Variants in MAP2K6 observed in about 807,000 individuals in gnomAD.
MAP2K6 encodes dual specificity mitogen-activated protein kinase kinase 6.
MAP2K6 carries 16 observed loss-of-function variants against 53.7 expected under a neutral mutation model. The observed-to-expected ratio is 0.30, with a 90% CI of 0.20 to 0.45. The LOEUF (loss-of-function observed/expected upper bound fraction) is 0.45. Ranked by LOEUF, MAP2K6 falls within the 20% of genes least tolerant of loss-of-function variation. MAP2K6 has a pLI of 1.00. For missense variants in MAP2K6, 204 were observed against 411.9 expected, an observed-to-expected ratio of 0.50 and a Z score of 4.37; for synonymous variants, 132 against 143.1, an observed-to-expected ratio of 0.92 and a Z score of 0.55.
rs372379022 is a variant in MAP2K6, at chr17:69,512,411, C to G, written c.84-4444C>G. On this transcript the variant is annotated intron_variant, in intron 2 of 11. Transcript: ENST00000590474. Reference sequence around the variant, plus strand: ...CTGGAGTGCAGTGGTATGATCTTGGCTCACCACAACCTCCGCCTCTTGGGT... The same window carrying G: ...CTGGAGTGCAGTGGTATGATCTTGGGTCACCACAACCTCCGCCTCTTGGGT... Among the ~76,000 whole-genome samples, 2 of 132,980 alleles carry G rather than the reference C, an allele frequency of 1.5e-5. 1 individual carries two copies. The highest frequency in any genetic ancestry group is 4.9e-4 in the South Asian group (2 of 4,112). The allele number at this position is 132,980 out of a possible 152,430, so 87.2% of individuals were successfully genotyped here. A position where few individuals can be genotyped will look rare whatever the true frequency, so the allele number is the denominator to read the frequency against.
At chr17:69,496,518 G>A (rs1908959985) in intron 1 of MAP2K6, among the ~76,000 whole-genome samples, 1 of 152,008 alleles carries the variant, frequency 6.6e-6, no homozygotes, top group African/African-American at 2.4e-5. Flanking sequence ...ACAGGCGTGT[G>A]CCCCACGCCC....
intron 1 of MAP2K6, among the ~76,000 whole-genome samples, chr17:69,436,009 C>T (rs114955315): frequency 5.3e-5 from 6 of 112,880 alleles, no homozygotes; most frequent in African/African-American, 2.6e-4. Flanking sequence ...CATTTGGAAT[C>T]GATTTAAAAT....
Position 69,521,049 on chromosome 17 carries a change from A to C in MAP2K6, c.484A>C (p.Ile162Leu), listed in dbSNP as rs761904827. 23 of 1,601,888 alleles carry C rather than the reference A, an allele frequency of 1.4e-5. No individual in the cohort carries two copies. The South Asian group carries it at 2.6e-4, about 18-fold the overall frequency. Reference protein sequence around the residue: ...EDILGKIAVSIVKALEHLHSK... With the variant: ...EDILGKIAVSLVKALEHLHSK... ...AATCTATCTTGTGTTTCTCTTGCAG[A>C]TTGTAAAAGCATTAGAACATTTACA... The change falls in exon 7 of 12, where the codon ATT becomes CTT. Residue 162 changes from isoleucine to leucine, a missense_variant and splice_region_variant. This residue lies in a region of MAP2K6 where 129 missense variants were observed against 247.1 expected (regional missense o/e 0.52). Transcript: ENST00000590474.
At position 69,523,612 on chromosome 17, in the gene MAP2K6, A is replaced by G. The variant is rs146813017; in HGVS notation, c.634A>G (p.Ile212Val). The change falls in exon 8 of 12, where the codon ATT becomes GTT. Residue 212 changes from isoleucine to valine, a missense_variant. Coordinates refer to ENST00000590474, the MANE Select transcript of MAP2K6 (RefSeq NM_002758.4). ...CTTGGTGGACTCTGTTGCTAAAACA[A>G]TTGATGCAGGTTGCAAACCATACAT... Reference protein sequence around the residue: ...GYLVDSVAKTIDAGCKPYMAP... With the variant: ...GYLVDSVAKTVDAGCKPYMAP... 5 of 1,614,012 alleles carry G rather than the reference A, an allele frequency of 3.1e-6. No homozygotes were observed. Among genetic ancestry groups the G allele is most frequent in the African/African-American group, 2.7e-5 (2 of 74,926 alleles).
At chr17:69,495,125 C>T (rs1187396948) in intron 1 of MAP2K6, among the ~76,000 whole-genome samples, 2 of 149,248 alleles carry the variant, frequency 1.3e-5, no homozygotes, top group African/African-American at 4.9e-5. Context: ...ACAACAAATT[C>T]ACCCCTCTTA....
intron 1 of MAP2K6, among the ~76,000 whole-genome samples, chr17:69,456,956 C>T (rs960432690): frequency 8.5e-5 from 13 of 152,320 alleles, no homozygotes; most frequent in African/African-American, 2.6e-4. Flanking sequence ...TTAGCTTGGA[C>T]GCCCTACCTG....
intron 1 of MAP2K6, among the ~76,000 whole-genome samples, chr17:69,493,487 G>A (rs4991021): frequency 0.013 from 2,005 of 152,276 alleles, 99 homozygotes; most frequent in East Asian, 0.12. Flanking sequence ...GCAGCTGGGC[G>A]TGGTGTCTCA....
chr17:69,475,459 C>T (rs1598279930), intron 1 of MAP2K6, among the ~76,000 whole-genome samples: 1 of 152,220 alleles, frequency 6.6e-6, no homozygotes, highest in African/African-American at 2.4e-5. Flanking sequence ...TGAGCCACCG[C>T]GCCCGGCCCT....
chr17:69,430,584 A>T (rs1254563458), intron 1 of MAP2K6, among the ~76,000 whole-genome samples: 1 of 152,180 alleles, frequency 6.6e-6, no homozygotes, highest in East Asian at 1.9e-4. Context: ...GTGTAGAAGG[A>T]CACACAGAAA....
intron 1 of MAP2K6, among the ~76,000 whole-genome samples, chr17:69,416,799 G>A (rs1361988196): frequency 6.6e-6 from 1 of 152,150 alleles, no homozygotes. Context: ...ATCTATTTGG[G>A]GGATAGTCAG....
intron 1 of MAP2K6, among the ~76,000 whole-genome samples, chr17:69,453,364 C>G (rs533714842): frequency 6.6e-6 from 1 of 152,158 alleles, no homozygotes; most frequent in Admixed American, 6.5e-5. Flanking sequence ...TCCAATAAAA[C>G]TTTATTTACC....
At chr17:69,508,058 T>TTA (rs1909614844) in intron 2 of MAP2K6, among the ~76,000 whole-genome samples, 2 of 77,920 alleles carry the variant, frequency 2.6e-5, no homozygotes, top group African/African-American at 1.0e-4. Flanking sequence ...TTTTTTTTTT[T>TTA]TTTTTTTTTT....
chr17:69,533,413 A>G (rs549673148), intron 10 of MAP2K6, among the ~76,000 whole-genome samples: 30 of 152,334 alleles, frequency 2.0e-4, no homozygotes, highest in African/African-American at 6.7e-4. Flanking sequence ...GCTAAATATA[A>G]GGTAAAAAAT....
intron 1 of MAP2K6, among the ~76,000 whole-genome samples, chr17:69,459,495 TGAGGTCAG>T (rs1220992881): frequency 6.6e-6 from 1 of 151,974 alleles, no homozygotes; most frequent in Admixed American, 6.6e-5. Context: ...GTGGATCACC[TGAGGTCAG>T]GAGTTCGAGA....
At chr17:69,424,635 G>A (rs895517517) in intron 1 of MAP2K6, among the ~76,000 whole-genome samples, 1 of 152,162 alleles carries the variant, frequency 6.6e-6, no homozygotes, top group Non-Finnish European at 1.5e-5. Flanking sequence ...ATAAAGGTAT[G>A]AAATCCATTA....
rs1911652547 is a variant in MAP2K6, at chr17:69,541,818, A to G, written c.*65A>G. Reference sequence around the variant, plus strand: ...GTGGGTTTCGGGGTGAAGCAAGTTCACTACAGCATCAATAGAAAGTCATCT... The same window carrying G: ...GTGGGTTTCGGGGTGAAGCAAGTTCGCTACAGCATCAATAGAAAGTCATCT... On this transcript the variant is annotated 3_prime_UTR_variant, in exon 12 of 12. Transcript: ENST00000590474. The G allele has an allele frequency of 8.7e-7, 1 of 1,152,954 alleles. No individual in the cohort carries two copies. Among genetic ancestry groups the G allele is most frequent in the African/African-American group, 1.5e-5 (1 of 65,268 alleles). The allele number at this position is 1,152,954 out of a possible 1,614,324, so 71.4% of individuals were successfully genotyped here. A position where few individuals can be genotyped will look rare whatever the true frequency, so the allele number is the denominator to read the frequency against.
In MAP2K6 at chr17:69,541,837, G is replaced by A; in HGVS notation, c.*84G>A. 9.9e-7 allele frequency: 1 copy of A among 1,009,820 alleles called. No individual in the cohort carries two copies. Among genetic ancestry groups the A allele is most frequent in the South Asian group, 1.4e-5 (1 of 71,586 alleles). 62.6% of individuals were successfully genotyped at this position (1,009,820 alleles called of 1,614,324 possible). A position where few individuals can be genotyped will look rare whatever the true frequency, so the allele number is the denominator to read the frequency against. ...AAGTTCACTACAGCATCAATAGAAA[G>A]TCATCTTTGAGATAATTTAACCCTG... On this transcript the variant is annotated 3_prime_UTR_variant, in exon 12 of 12. Transcript: ENST00000590474.
intron 1 of MAP2K6, among the ~76,000 whole-genome samples, chr17:69,453,060 C>T (rs1598269229): frequency 6.6e-6 from 1 of 152,302 alleles, no homozygotes; most frequent in South Asian, 2.1e-4. Flanking sequence ...CGAAGTGACT[C>T]ATGGAGACAC....
intron 1 of MAP2K6, among the ~76,000 whole-genome samples, chr17:69,493,206 C>T (rs1043451344): frequency 9.9e-5 from 15 of 151,356 alleles, no homozygotes; most frequent in African/African-American, 3.4e-4. Context: ...ATTGGGGAAG[C>T]GGAAAGAATG....
Sources: gnomAD v4.1 joint callset for allele counts (sites outside exome capture counted in the v4.1 genomes callset) on GRCh38, gnomAD v4.1.1 for gene constraint, gnomAD v4.1.1 regional missense constraint, MANE v1.5 for transcripts, NCBI Gene and HGNC (gene_info 2026-07-23, HGNC 2026-07-21) for gene names.